Variants in PHF19 observed in about 807,000 individuals in gnomAD.
The protein encoded by PHF19 is PHD finger protein 19.
Under a neutral mutation model 79.8 loss-of-function variants are expected in PHF19, and 21 were observed. That is an observed-to-expected ratio of 0.26 (90% CI 0.19 to 0.38). The LOEUF (loss-of-function observed/expected upper bound fraction) is 0.38. Among genes scored for constraint, PHF19 ranks in the 10% least tolerant of loss-of-function variants. The probability of loss-of-function intolerance (pLI) is 1.00; values close to 1 mark genes in which losing one functional copy is unlikely to be tolerated. For synonymous variants in PHF19, 273 were observed against 296.3 expected, an observed-to-expected ratio of 0.92 and a Z score of 0.81; for missense variants, 445 against 744.2, an observed-to-expected ratio of 0.60 and a Z score of 4.68.
chr9:120,876,612 G>A (rs1356546865), intron 1 of PHF19, among the ~76,000 whole-genome samples: 3 of 152,148 alleles, frequency 2.0e-5, no homozygotes, highest in African/African-American at 7.2e-5. Flanking sequence ...GGCAGGAAGC[G>A]AGGATGATTC....
intron 9 of PHF19, among the ~76,000 whole-genome samples, 186 bp from the exon 10 acceptor site, chr9:120,864,302 G>A (rs2045630596): frequency 6.6e-6 from 1 of 152,182 alleles, no homozygotes; most frequent in Non-Finnish European, 1.5e-5. Context: ...TGTAAATGGA[G>A]AGAATACTTC....
chr9:120,880,968 A>G (rs1300881715), upstream of PHF19, among the ~76,000 whole-genome samples: 1 of 152,126 alleles, frequency 6.6e-6, no homozygotes, highest in Non-Finnish European at 1.5e-5. Context: ...AAAAACAAAC[A>G]AACAAACAAC....
upstream of PHF19, chr9:120,877,340 C>T (rs2046096370): frequency 3.1e-6 from 3 of 981,364 alleles, no homozygotes; most frequent in Admixed American, 6.3e-5. Flanking sequence ...CGTTTTCCCG[C>T]GAATTATTGA....
rs979983094 is a variant in PHF19 at position 120,862,540 on chromosome 9, A to G, written c.1130+48T>C. 2 of 1,578,564 alleles carry G rather than the reference A, an allele frequency of 1.3e-6. No homozygotes were observed. Among genetic ancestry groups the G allele is most frequent in the African/African-American group, 2.7e-5 (2 of 74,022 alleles). On this transcript the variant is annotated intron_variant, in intron 11 of 14. Transcript: ENST00000373896. The surrounding 1 kb of genome is among the most constrained non-coding windows in gnomAD (Gnocchi z 4.6). ...CCTCCTTGCTTGCTTGGAAGCAGAG[A>G]AACCGAGTTTGGCGGCAGCCCTGGC...
In PHF19 at chr9:120,868,809, T is replaced by G; in HGVS notation, c.614+373A>C. 4.1e-6 allele frequency: 4 copies of G among 981,248 alleles called. No individual in the cohort carries two copies. The South Asian group carries it at 1.8e-4, about 43-fold the overall frequency. 60.8% of individuals were successfully genotyped at this position (981,248 alleles called of 1,614,324 possible). ...AGGGTGCTTCTCGACCTGCCTCACC[T>G]CCCTGGGGCCCTGCTTGGGCGGTCG... On this transcript the variant is annotated intron_variant, in intron 6 of 14. Coordinates refer to ENST00000373896, the MANE Select transcript of PHF19 (RefSeq NM_015651.3).
chr9:120,867,752 T>C (rs2045746086), intron 6 of PHF19, among the ~76,000 whole-genome samples: 1 of 152,220 alleles, frequency 6.6e-6, no homozygotes, highest in Non-Finnish European at 1.5e-5. Context: ...AGAGATGAAG[T>C]AGTTCAAGCT....
intron 12 of PHF19, among the ~76,000 whole-genome samples, chr9:120,861,539 G>A (rs1353467108): frequency 6.6e-6 from 1 of 152,180 alleles, no homozygotes; most frequent in Non-Finnish European, 1.5e-5. Flanking sequence ...CTGCCCACAG[G>A]GAGGGCTTCA....
In PHF19 at chr9:120,869,525, T is replaced by C; in HGVS notation, c.466-195A>G. ...TCTATCCCAGAAGGAACTCCGTTGA[T>C]AACAGAATTAAGAGTAATAAGCGCA... On this transcript the variant is annotated intron_variant, in intron 5 of 14. Transcript: ENST00000373896. This position sits in a 1 kb window ranked among gnomAD's most constrained non-coding sequence, Gnocchi z 5.8. 2 of 1,393,346 alleles carry C rather than the reference T, an allele frequency of 1.4e-6. No individual in the cohort carries two copies. Among genetic ancestry groups the C allele is most frequent in the Non-Finnish European group, 1.9e-6 (2 of 1,057,138 alleles). The allele number at this position is 1,393,346 out of a possible 1,614,324, so 86.3% of individuals were successfully genotyped here. A position where few individuals can be genotyped will look rare whatever the true frequency, so the allele number is the denominator to read the frequency against.
chr9:120,891,851 G>A lies in PHF19; in HGVS notation c.42+2937C>T, dbSNP rs1407847753. 6.6e-6 allele frequency among the ~76,000 whole-genome samples: 1 copy of A among 152,096 alleles called. No individual in the cohort carries two copies. Among genetic ancestry groups the A allele is most frequent in the Non-Finnish European group, 1.5e-5 (1 of 68,020 alleles). On this transcript the variant is annotated intron_variant, in intron 1 of 14. Transcript: ENST00000616568. This position sits in a 1 kb window ranked among gnomAD's most constrained non-coding sequence, Gnocchi z 4.3. ...CCCAAATCCAAGGAGCCAGACCAGG[G>A]ACCCTGTGCTATAAACAAGTCTCCT...
rs570211963 is a variant in PHF19, at chr9:120,857,518, C to T, written c.*426G>A. The T allele has an allele frequency of 3.7e-5, 6 of 162,996 alleles. No homozygotes were observed. The South Asian group carries it at 8.1e-4, about 22-fold the overall frequency. 10.1% of individuals were successfully genotyped at this position (162,996 alleles called of 1,614,324 possible). ...GTCCCTGGGAGGACTGGCTGCCCCA[C>T]GGGTCACGTGTGAAGGGGATCCAGT... On this transcript the variant is annotated 3_prime_UTR_variant, in exon 15 of 15. Transcript: ENST00000373896.
intron 1 of PHF19, among the ~76,000 whole-genome samples, chr9:120,884,922 A>T (rs1425884163): frequency 1.3e-5 from 2 of 152,114 alleles, no homozygotes; most frequent in Non-Finnish European, 2.9e-5. Flanking sequence ...CTAAAAAAAT[A>T]AAAATAAAAA....
intron 1 of PHF19, among the ~76,000 whole-genome samples, chr9:120,894,388 CTCTG>C (rs2046378258): frequency 1.3e-5 from 2 of 152,186 alleles, no homozygotes; most frequent in Admixed American, 6.5e-5. Flanking sequence ...CTCTCTTTGC[CTCTG>C]TCTGCGGCGG....
chr9:120,881,602 C>T (rs1660064925), upstream of PHF19, among the ~76,000 whole-genome samples: 1 of 152,104 alleles, frequency 6.6e-6, no homozygotes, highest in Non-Finnish European at 1.5e-5. Flanking sequence ...TAAAACTTTT[C>T]CATGTTTGAG....
Position 120,871,697 on chromosome 9 carries a change from G to A in PHF19, c.269-1159C>T, listed in dbSNP as rs183918368. On this transcript the variant is annotated intron_variant, in intron 3 of 14. Transcript: ENST00000373896. ...GTATACATTAAACACATTTTGATAC[G>A]TGTTTGTCTTATTTCCCCAGCATGC... Among the ~76,000 whole-genome samples, 267 of 152,210 alleles carry A rather than the reference G, an allele frequency of 1.8e-3. 2 individuals are homozygous for A. The highest frequency in any genetic ancestry group is 0.014 in the East Asian group (70 of 5,182).
chr9:120,888,036 G>A (rs930323133), intron 1 of PHF19, among the ~76,000 whole-genome samples: 3 of 152,092 alleles, frequency 2.0e-5, no homozygotes, highest in Admixed American at 6.5e-5. Flanking sequence ...GCAGTCGCAC[G>A]ATCTCAGCTC....
chr9:120,889,257 C>T (rs1256155203), intron 1 of PHF19, among the ~76,000 whole-genome samples: 1 of 152,096 alleles, frequency 6.6e-6, no homozygotes, highest in African/African-American at 2.4e-5. Flanking sequence ...GAAATCTCGT[C>T]TCCATTAAAA....
chr9:120,872,663 A>C (rs928607345), intron 3 of PHF19, among the ~76,000 whole-genome samples: 1 of 151,572 alleles, frequency 6.6e-6, no homozygotes, highest in Non-Finnish European at 1.5e-5. Flanking sequence ...TTATTGTAAC[A>C]AATTCTTTTT....
chr9:120,897,104 C>T (rs1238621933), upstream of PHF19, among the ~76,000 whole-genome samples: 29 of 152,234 alleles, frequency 1.9e-4, no homozygotes, highest in Admixed American at 1.6e-3. Context: ...ATGCGGATTA[C>T]GATCATATGT....
chr9:120,869,402 A>G lies in PHF19; in HGVS notation c.466-72T>C. 1.3e-6 allele frequency: 2 copies of G among 1,527,730 alleles called. No individual in the cohort carries two copies. The highest frequency in any genetic ancestry group is 1.8e-6 in the Non-Finnish European group (2 of 1,127,440). 94.6% of individuals were successfully genotyped at this position (1,527,730 alleles called of 1,614,324 possible). On this transcript the variant is annotated intron_variant, in intron 5 of 14. Coordinates refer to ENST00000373896, the MANE Select transcript of PHF19 (RefSeq NM_015651.3). This position sits in a 1 kb window ranked among gnomAD's most constrained non-coding sequence, Gnocchi z 5.8. ...CACGCGAGTCAGCACGCGGCTGTCT[A>G]TTGAGGGAAGTGCTGCCAGGGCTTG... is the stretch of plus-strand genomic sequence containing the variant.
Sources: gnomAD v4.1 joint callset for allele counts (sites outside exome capture counted in the v4.1 genomes callset) on GRCh38, gnomAD v4.1.1 for gene constraint, Gnocchi (gnomAD v3.1) non-coding constraint, MANE v1.5 for transcripts, NCBI Gene and HGNC (gene_info 2026-07-23, HGNC 2026-07-21) for gene names.